Variants in DNAAF3 observed in about 807,000 individuals in gnomAD.
DNAAF3 encodes the protein dynein axonemal assembly factor 3, also known as UPF0470 protein C19orf51.
A neutral mutation model predicts 50.9 loss-of-function variants in DNAAF3; 40 were observed. That is an observed-to-expected ratio of 0.79 (90% CI 0.61 to 1.02). The LOEUF (loss-of-function observed/expected upper bound fraction) is 1.02, where lower values mean the gene tolerates loss of function less well. DNAAF3 is among the 50% of genes least tolerant of loss of function. The probability of loss-of-function intolerance (pLI) is 0.00; values close to 1 mark genes in which losing one functional copy is unlikely to be tolerated. For synonymous variants in DNAAF3, 327 were observed against 322.8 expected (o/e 1.01, Z -0.14); for missense variants, 763 against 744.7 (o/e 1.02, Z -0.29).
In DNAAF3 at chr19:55,159,267, G is replaced by A. The variant is rs200919669; in HGVS notation, c.1421C>T (p.Pro474Leu). The change falls in exon 12 of 12, where the codon CCG becomes CTG. Residue 474 changes from proline (P) to leucine (L), a missense_variant. Coordinates refer to ENST00000524407, the MANE Select transcript of DNAAF3 (RefSeq NM_001256715.2). ...AGGCTGGGCCAGGATGTCAAGGGGC[G>A]GAGTTCCGGGTTCCACAGCTGGGAC... is the stretch of plus-strand genomic sequence containing the variant. ...NTVPAVEPGT[P>L]PLDILAQPLE... The A allele has an allele frequency of 1.8e-5, 29 of 1,613,936 alleles. No individual in the cohort carries two copies. Among genetic ancestry groups the A allele is most frequent in the African/African-American group, 5.3e-5 (4 of 74,944 alleles).
At chr19:55,162,782 A>C (rs2085861002) in intron 4 of DNAAF3, 1 of 679,132 alleles carries the variant, frequency 1.5e-6, no homozygotes, top group South Asian at 6.7e-5. Flanking sequence ...GGTGTATGGG[A>C]CCATGTGTAC....
Position 55,162,286 on chromosome 19 carries a change from T to C in DNAAF3, c.327A>G (p.Arg109=), listed in dbSNP as rs3848618. ...EEPEKMGLQE[R]SETFLEVWGN... ...CCCACACTTCCAGGAAGGTCTCGCT[T>C]CGCTCTACGGAGAGAGGGAGATAAT... The change falls in exon 5 of 12, where the codon CGA becomes CGG. Residue 109 remains arginine (R), a synonymous_variant. Transcript: ENST00000524407. 50,751 of 1,250,556 alleles carry C rather than the reference T, an allele frequency of 0.041. 2,663 individuals are homozygous for C. Among genetic ancestry groups the C allele is most frequent in the East Asian group, 0.24 (7,678 of 31,690 alleles). 77.5% of individuals were successfully genotyped at this position (1,250,556 alleles called of 1,614,324 possible). A position where few individuals can be genotyped will look rare whatever the true frequency, so the allele number is the denominator to read the frequency against.
chr19:55,163,991 G>A (rs1022756143), intron 4 of DNAAF3, among the ~76,000 whole-genome samples: 2 of 152,126 alleles, frequency 1.3e-5, no homozygotes, highest in Admixed American at 6.5e-5. Flanking sequence ...CTCCCTTGCT[G>A]TTCTCGTGAT....
rs1039827082 is a variant in DNAAF3, at chr19:55,166,249, T to C, written c.85+80A>G. 6.4e-7 allele frequency: 1 copy of C among 1,565,686 alleles called. No individual in the cohort carries two copies. The highest frequency in any genetic ancestry group is 8.7e-7 in the Non-Finnish European group (1 of 1,155,636). On this transcript the variant is annotated intron_variant, in intron 2 of 11. Transcript: ENST00000524407. This position sits in a 1 kb window ranked among gnomAD's most constrained non-coding sequence, Gnocchi z 4.0. ...TTAGCGCCCCCCTTGCCACCGACGC[T>C]GGGACTACGAGCTCTAAAAGGCCGT...
chr19:55,165,535 G>A (rs1327790889), intron 3 of DNAAF3, 72 bp from the exon 4 acceptor site: 1 of 1,448,000 alleles, frequency 6.9e-7, no homozygotes, highest in Non-Finnish European at 9.6e-7. Context: ...AGGAGAGCAG[G>A]CCCTCAGCTC....
rs1365831837 is a variant in DNAAF3 at position 55,160,287 on chromosome 19, T to A, written c.1049-274A>T. 6.6e-6 allele frequency among the ~76,000 whole-genome samples: 1 copy of A among 152,122 alleles called. No homozygotes were observed. The highest frequency in any genetic ancestry group is 1.9e-4 in the East Asian group (1 of 5,182). Reference sequence around the variant, plus strand: ...TGGGTGGCCAGGGCCACATGTGACATGCCCTGTCAGACAGACACGCAGGGA... The same window carrying A: ...TGGGTGGCCAGGGCCACATGTGACAAGCCCTGTCAGACAGACACGCAGGGA... On this transcript the variant is annotated intron_variant, in intron 9 of 11. Transcript: ENST00000524407. This position sits in a 1 kb window ranked among gnomAD's most constrained non-coding sequence, Gnocchi z 4.7.
At chr19:55,159,494 C>T in intron 11 of DNAAF3, 39 bp downstream of exon 11, 3 of 1,602,324 alleles carry the variant, frequency 1.9e-6, no homozygotes, top group Non-Finnish European at 2.6e-6. Context: ...TTTTGATCCC[C>T]AGCCAGGATG....
In DNAAF3 at chr19:55,165,949, T is replaced by C. The variant is rs780140351; in HGVS notation, c.137A>G (p.Glu46Gly). ...SQADTVHSNPELDVLLLGSVD... is the reference protein window; with the variant it reads ...SQADTVHSNPGLDVLLLGSVD... ...AGAGCCCAGAAGCAGCACATCTAGC[T>C]CGGGGTTGCTGTGCACTGTATCGGC... The change falls in exon 3 of 12, where the codon GAG (glutamate) becomes GGG (glycine). Residue 46 changes from glutamate (E) to glycine (G), a missense_variant. By Grantham distance (98) the Glu-to-Gly change is moderately conservative. Coordinates refer to ENST00000524407, the MANE Select transcript of DNAAF3 (RefSeq NM_001256715.2). 2 of 1,614,194 alleles carry C rather than the reference T, an allele frequency of 1.2e-6. No homozygotes were observed. Among genetic ancestry groups the C allele is most frequent in the Non-Finnish European group, 1.7e-6 (2 of 1,180,046 alleles).
Position 55,163,312 on chromosome 19 carries a change from A to ATTTT in DNAAF3, c.323-1026_323-1023dup, listed in dbSNP as rs34371299. Among the ~76,000 whole-genome samples the ATTTT allele has an allele frequency of 6.2e-3, 537 of 87,222 alleles. 54 individuals carry two copies. Among genetic ancestry groups the ATTTT allele is most frequent in the African/African-American group, 0.021 (466 of 22,050 alleles). The allele number at this position is 87,222 out of a possible 152,430, so 57.2% of individuals were successfully genotyped here. A position where few individuals can be genotyped will look rare whatever the true frequency, so the allele number is the denominator to read the frequency against. ...CGTGAGCCATCGCGCCCGGCGGCTAATTTTTTTTTTTTTTTTTTTGTATTT... is the reference window on the plus strand; with the variant it reads ...CGTGAGCCATCGCGCCCGGCGGCTAATTTTTTTTTTTTTTTTTTTTTTTGTATTT... On this transcript the variant is annotated intron_variant, in intron 4 of 11. Transcript: ENST00000524407.
In DNAAF3 at chr19:55,166,444, C is replaced by T; in HGVS notation, c.-4-27G>A. Reference sequence around the variant, plus strand: ...TGCGGAAAAGACATTCTGGGAATCGCACACATTGCCCGCCCCGCTCCCCTC... The same window carrying T: ...TGCGGAAAAGACATTCTGGGAATCGTACACATTGCCCGCCCCGCTCCCCTC... On this transcript the variant is annotated intron_variant, in intron 1 of 11. Coordinates refer to ENST00000524407, the MANE Select transcript of DNAAF3 (RefSeq NM_001256715.2). This position sits in a 1 kb window ranked among gnomAD's most constrained non-coding sequence, Gnocchi z 4.0. 1 of 1,613,724 alleles carries T rather than the reference C, an allele frequency of 6.2e-7. No individual in the cohort carries two copies. The highest frequency in any genetic ancestry group is 8.5e-7 in the Non-Finnish European group (1 of 1,179,696).
At chr19:55,165,305 G>T in intron 4 of DNAAF3, 65 bp downstream of exon 4, 1 of 1,463,318 alleles carries the variant, frequency 6.8e-7, no homozygotes. Context: ...CCATTGAAAT[G>T]CCAGAATCCC....
Position 55,166,363 on chromosome 19 carries a change from C to T in DNAAF3, c.51G>A (p.Trp17Ter), listed in dbSNP as rs760237737. 1 of 1,613,850 alleles carries T rather than the reference C, an allele frequency of 6.2e-7. No homozygotes were observed. Among genetic ancestry groups the T allele is most frequent in the East Asian group, 2.2e-5 (1 of 44,866 alleles). ...SGSGFGSVSW[W>*]GLSPALDLQA... ...GCAGGTCCAGCGCCGGGGACAGGCC[C>T]CACCAGGACACGGAGCCGAAGCCGC... The change falls in exon 2 of 12, where the codon TGG becomes TGA. Residue 17 changes from tryptophan (W) to a stop codon, truncating the protein, a stop_gained. Transcript: ENST00000524407. LOFTEE classifies it high-confidence loss of function. This position sits in a 1 kb window ranked among gnomAD's most constrained non-coding sequence, Gnocchi z 4.0.
intron 4 of DNAAF3, among the ~76,000 whole-genome samples, chr19:55,163,308 G>A (rs944876006): frequency 9.0e-6 from 1 of 111,696 alleles, no homozygotes; most frequent in African/African-American, 4.1e-5. Flanking sequence ...GCGCCCGGCG[G>A]CTAATTTTTT....
At position 55,158,942 on chromosome 19, in the gene DNAAF3, G is replaced by T; in HGVS notation, c.*120C>A. ...TCCCGGGGTGGGGGTGGCGGGTACTGAGTGGGAATGATTAGAATAAAATTG... is the reference window on the plus strand; with the variant it reads ...TCCCGGGGTGGGGGTGGCGGGTACTTAGTGGGAATGATTAGAATAAAATTG... On this transcript the variant is annotated 3_prime_UTR_variant, in exon 12 of 12. Transcript: ENST00000524407. 8.4e-7 allele frequency: 1 copy of T among 1,184,450 alleles called. No individual in the cohort carries two copies. The highest frequency in any genetic ancestry group is 1.2e-6 in the Non-Finnish European group (1 of 858,258). The allele number at this position is 1,184,450 out of a possible 1,614,324, so 73.4% of individuals were successfully genotyped here.
At chr19:55,164,649 C>T (rs905373143) in intron 4 of DNAAF3, among the ~76,000 whole-genome samples, 5 of 151,798 alleles carry the variant, frequency 3.3e-5, no homozygotes, top group Non-Finnish European at 5.9e-5. Context: ...TTCAGCCTCC[C>T]GAGTAGCTGG....
chr19:55,161,086 C>G lies in DNAAF3; in HGVS notation c.891G>C (p.Thr297=), dbSNP rs565551381. 3 of 1,542,942 alleles carry G rather than the reference C, an allele frequency of 1.9e-6. No homozygotes were observed. In the Admixed American group the frequency reaches 5.9e-5, roughly 30 times the overall value. The change falls in exon 8 of 12, where the codon ACG becomes ACC. Residue 297 remains threonine, a synonymous_variant. Transcript: ENST00000524407. This position sits in a 1 kb window ranked among gnomAD's most constrained non-coding sequence, Gnocchi z 6.4. ...IEADDESLLR[T]SNGQPVKTAG... ...GCACCTTGACTGGCTGGCCGTTGCT[C>G]GTCCGCAGGAGGCTCTCGTCGTCCG...
In DNAAF3 at chr19:55,161,125, G is replaced by C; in HGVS notation, c.852C>G (p.Ala284=). ...WGDIATGPFV[A]FGIEADDESL... is the part of the protein sequence containing the mutation. ...TCTCGTCGTCCGCTTCGATGCCGAA[G>C]GCCACGAAGGGCCCCGTGGCGATGT... Residue 284 remains alanine, a synonymous_variant, in exon 8 of 12, where the codon GCC becomes GCG. Coordinates refer to ENST00000524407, the MANE Select transcript of DNAAF3 (RefSeq NM_001256715.2). This position sits in a 1 kb window ranked among gnomAD's most constrained non-coding sequence, Gnocchi z 6.4. 6.5e-7 allele frequency: 1 copy of C among 1,548,058 alleles called. No individual in the cohort carries two copies. Among genetic ancestry groups the C allele is most frequent in the Non-Finnish European group, 8.7e-7 (1 of 1,147,538 alleles).
intron 4 of DNAAF3, among the ~76,000 whole-genome samples, chr19:55,164,948 A>ATT (rs141126331): frequency 9.9e-5 from 14 of 141,638 alleles, no homozygotes; most frequent in African/African-American, 1.3e-4. Flanking sequence ...AATATATTGG[A>ATT]TTTTTTTTTT....
At position 55,162,177 on chromosome 19, in the gene DNAAF3, G is replaced by C. The variant is rs920046859; in HGVS notation, c.436C>G (p.Arg146Gly). 3 of 1,252,582 alleles carry C rather than the reference G, an allele frequency of 2.4e-6. No homozygotes were observed. Among genetic ancestry groups the C allele is most frequent in the African/African-American group, 1.5e-5 (1 of 64,704 alleles). The allele number at this position is 1,252,582 out of a possible 1,614,324, so 77.6% of individuals were successfully genotyped here. Reference sequence around the variant, plus strand: ...AGCCAGGGCAGCTGTTCCTCCAGGCGGTCGGGCTCGGGGACCAGGTGCGCC... The same window carrying C: ...AGCCAGGGCAGCTGTTCCTCCAGGCCGTCGGGCTCGGGGACCAGGTGCGCC... ...LLAHLVPEPD[R>G]LEEQLPWLSL... is the part of the protein sequence containing the mutation. The change falls in exon 5 of 12, where the codon CGC (arginine) becomes GGC (glycine). Residue 146 changes from arginine to glycine, a missense_variant. Physicochemically the swap from Arg to Gly is moderately radical, Grantham distance 125. Coordinates refer to ENST00000524407, the MANE Select transcript of DNAAF3 (RefSeq NM_001256715.2).
Sources: gnomAD v4.1 joint callset for allele counts (sites outside exome capture counted in the v4.1 genomes callset) on GRCh38, gnomAD v4.1.1 for gene constraint, Gnocchi (gnomAD v3.1) non-coding constraint, MANE v1.5 for transcripts, NCBI Gene and HGNC (gene_info 2026-07-23, HGNC 2026-07-21) for gene names.